Variants in LMNTD1 observed in about 807,000 individuals in gnomAD.
LMNTD1 encodes the protein lamin tail domain containing 1, also known as lamin tail domain-containing protein 1.
Under a neutral mutation model 50.9 loss-of-function variants are expected in LMNTD1, and 35 were observed. That is an observed-to-expected ratio of 0.69 (90% CI 0.53 to 0.91). LMNTD1 has a LOEUF of 0.91. Among genes scored for constraint, LMNTD1 ranks in the 40% least tolerant of loss-of-function variants. The pLI is 0.00. For missense variants in LMNTD1, 470 were observed against 475.5 expected (o/e 0.99, Z 0.11); for synonymous variants, 153 against 161.9 (o/e 0.94, Z 0.42).
At chr12:25,595,213 C>T (rs1236862116) in intron 1 of LMNTD1, among the ~76,000 whole-genome samples, 1 of 152,082 alleles carries the variant, frequency 6.6e-6, no homozygotes, top group African/African-American at 2.4e-5. Context: ...TTAAACTATA[C>T]CCTGAAACAA....
chr12:25,524,148 C>T (rs1941543965), intron 6 of LMNTD1, among the ~76,000 whole-genome samples: 1 of 152,178 alleles, frequency 6.6e-6, no homozygotes, highest in South Asian at 2.1e-4. Flanking sequence ...TCATGCTCTC[C>T]TTTACAGAGT....
At chr12:25,551,614 A>G (rs1046198589) in intron 2 of LMNTD1, among the ~76,000 whole-genome samples, 7 of 151,814 alleles carry the variant, frequency 4.6e-5, no homozygotes, top group African/African-American at 1.7e-4. Context: ...TGTCTCTAAT[A>G]CTCCTGGCCT....
At chr12:25,578,236 C>T (rs1000442353) in intron 1 of LMNTD1, among the ~76,000 whole-genome samples, 1 of 152,014 alleles carries the variant, frequency 6.6e-6, no homozygotes, top group African/African-American at 2.4e-5. Context: ...TAGCATTTAC[C>T]CTAAATATGA....
At chr12:25,595,322 A>G (rs1945820229) in intron 1 of LMNTD1, among the ~76,000 whole-genome samples, 1 of 152,106 alleles carries the variant, frequency 6.6e-6, no homozygotes, top group Admixed American at 6.6e-5. Context: ...TAGACTATAT[A>G]ATAGGCCACA....
intron 1 of LMNTD1, among the ~76,000 whole-genome samples, chr12:25,607,251 C>T (rs183400938): frequency 1.4e-4 from 21 of 152,274 alleles, no homozygotes; most frequent in Admixed American, 1.2e-3. Flanking sequence ...TGCTAGCAGT[C>T]TATCAACTTT....
intron 8 of LMNTD1, among the ~76,000 whole-genome samples, chr12:25,514,501 G>A (rs1940592554): frequency 6.6e-6 from 1 of 151,920 alleles, no homozygotes; most frequent in Admixed American, 6.6e-5. Flanking sequence ...GGTTGCCAGA[G>A]GCTGGGAAGG....
intron 2 of LMNTD1, among the ~76,000 whole-genome samples, chr12:25,551,618 C>T (rs923805645): frequency 1.3e-5 from 2 of 152,164 alleles, no homozygotes; most frequent in African/African-American, 4.8e-5. Context: ...TCTAATACTC[C>T]TGGCCTCAAG....
intron 1 of LMNTD1, among the ~76,000 whole-genome samples, chr12:25,646,713 A>C (rs781032659): frequency 1.3e-5 from 2 of 152,212 alleles, no homozygotes; most frequent in Non-Finnish European, 2.9e-5. Flanking sequence ...TGGGCAAAAC[A>C]AAATTCTAAC....
In LMNTD1 at chr12:25,497,147, A is replaced by C. The variant is rs537242049; in HGVS notation, c.*22+6591T>G. ...TGTTTCTATTTTTGGGCTTTTGTGA[A>C]TAATAGTCTATGAACACTAGTACAA... On this transcript the variant is annotated intron_variant, in intron 9 of 9. Coordinates refer to ENST00000458174, the MANE Select transcript of LMNTD1 (RefSeq NM_001145728.2). 2.0e-5 allele frequency among the ~76,000 whole-genome samples: 3 copies of C among 152,146 alleles called. No homozygotes were observed. In the South Asian group the frequency reaches 6.2e-4, roughly 32 times the overall value.
At chr12:25,643,033 A>G (rs536178935) in intron 1 of LMNTD1, among the ~76,000 whole-genome samples, 6 of 152,354 alleles carry the variant, frequency 3.9e-5, no homozygotes, top group African/African-American at 1.4e-4. Flanking sequence ...AAAATATAGC[A>G]CAAGATCATA....
At chr12:25,548,377 C>T (rs535761638) in intron 3 of LMNTD1, among the ~76,000 whole-genome samples, 2 of 151,958 alleles carry the variant, frequency 1.3e-5, no homozygotes, top group South Asian at 4.1e-4. Context: ...TTTGTGCTAC[C>T]AGTTTTGAAA....
chr12:25,589,376 T>A (rs1382495540), intron 1 of LMNTD1, among the ~76,000 whole-genome samples: 1 of 152,170 alleles, frequency 6.6e-6, no homozygotes, highest in Non-Finnish European at 1.5e-5. Context: ...TAGGGATACA[T>A]ACAACAGTGG....
At chr12:25,615,627 A>G (rs1350009537) in intron 1 of LMNTD1, among the ~76,000 whole-genome samples, 1 of 151,678 alleles carries the variant, frequency 6.6e-6, no homozygotes, top group Non-Finnish European at 1.5e-5. Context: ...CACCCAGCTA[A>G]TTTTTCTATT....
intron 9 of LMNTD1, chr12:25,497,434 A>G (rs1397482536): frequency 6.6e-6 from 1 of 152,262 alleles, no homozygotes; most frequent in Non-Finnish European, 1.5e-5. Context: ...CTGCGAGCCT[A>G]AATTTTCATG....
intron 1 of LMNTD1, among the ~76,000 whole-genome samples, chr12:25,581,686 GCAT>G (rs1177796714): frequency 6.6e-6 from 1 of 152,178 alleles, no homozygotes; most frequent in Non-Finnish European, 1.5e-5. Flanking sequence ...TCTGAGAGAT[GCAT>G]CATTAGGTGA....
At chr12:25,605,577 C>T (rs1946080135) in intron 1 of LMNTD1, among the ~76,000 whole-genome samples, 1 of 152,174 alleles carries the variant, frequency 6.6e-6, no homozygotes, top group Admixed American at 6.5e-5. Context: ...CCAGTTTTCC[C>T]AGCACCATTT....
At chr12:25,502,381 C>G (rs12308318) in intron 9 of LMNTD1, among the ~76,000 whole-genome samples, 193 of 152,314 alleles carry the variant, frequency 1.3e-3, no homozygotes, top group African/African-American at 4.3e-3. Flanking sequence ...TCATTCTTTG[C>G]ATTTCAATTG....
chr12:25,563,833 C>T (rs539662613), intron 1 of LMNTD1, among the ~76,000 whole-genome samples: 3 of 152,202 alleles, frequency 2.0e-5, no homozygotes, highest in Non-Finnish European at 4.4e-5. Context: ...CCTACTCAAG[C>T]CTCAGCAATG....
rs1424339744 is a variant in LMNTD1, at chr12:25,487,065, A to G, written c.*23-10605T>C. Among the ~76,000 whole-genome samples the G allele has an allele frequency of 3.0e-3, 447 of 150,012 alleles. 5 individuals are homozygous for G. The highest frequency in any genetic ancestry group is 0.025 in the East Asian group (129 of 5,100). ...AGCTTTACTTCCAAGTATGTGGTCAATTTTGGAATAGGTGTGGTGTGGTGC... is the reference window on the plus strand; with the variant it reads ...AGCTTTACTTCCAAGTATGTGGTCAGTTTTGGAATAGGTGTGGTGTGGTGC... On this transcript the variant is annotated intron_variant, in intron 9 of 9. Coordinates refer to ENST00000458174, the MANE Select transcript of LMNTD1 (RefSeq NM_001145728.2).
Sources: allele counts gnomAD v4.1 joint callset (sites outside exome capture counted in the v4.1 genomes callset), GRCh38; gene constraint gnomAD v4.1.1; transcripts MANE v1.5; gene names NCBI Gene and HGNC (gene_info 2026-07-23, HGNC 2026-07-21).